The following HHAT variants were observed in gnomAD, a reference collection of about 807,000 sequenced individuals.
HHAT encodes the protein hedgehog acyltransferase.
A neutral mutation model predicts 70.8 loss-of-function variants in HHAT; 47 were observed. The observed-to-expected ratio is 0.66, with a 90% CI of 0.53 to 0.85. The LOEUF (loss-of-function observed/expected upper bound fraction) is 0.85. Ranked by LOEUF, HHAT falls within the 40% of genes least tolerant of loss-of-function variation. The pLI, the probability that HHAT is intolerant of heterozygous loss-of-function variation, is 0.00. For synonymous variants in HHAT, 228 were observed against 247.6 expected (o/e 0.92, Z 0.74); for missense variants, 609 against 604.8 (o/e 1.01, Z -0.07).
chr1:210,345,514 A>C (rs776575847), intron 1 of HHAT, among the ~76,000 whole-genome samples: 3 of 152,178 alleles, frequency 2.0e-5, no homozygotes, highest in Non-Finnish European at 4.4e-5. Context: ...TGATTCACCA[A>C]ACTTGGGTAA....
chr1:210,654,297 C>A (rs1313408277), intron 11 of HHAT, among the ~76,000 whole-genome samples: 1 of 144,156 alleles, frequency 6.9e-6, no homozygotes, highest in Non-Finnish European at 1.5e-5. Flanking sequence ...CATTTCTACA[C>A]GTCCTTAGCC....
chr1:210,609,074 C>T (rs116456049), intron 10 of HHAT, among the ~76,000 whole-genome samples: 1 of 152,138 alleles, frequency 6.6e-6, no homozygotes, highest in African/African-American at 2.4e-5. Flanking sequence ...TGACCTCCAC[C>T]TGGTCTCTTC....
chr1:210,490,051 A>AG (rs1260582654), intron 8 of HHAT, among the ~76,000 whole-genome samples: 1 of 152,066 alleles, frequency 6.6e-6, no homozygotes, highest in Non-Finnish European at 1.5e-5. Context: ...GAGTTAAAAA[A>AG]GAAAAAAAAG....
intron 8 of HHAT, among the ~76,000 whole-genome samples, chr1:210,474,256 T>C (rs1197817872): frequency 6.6e-6 from 1 of 152,192 alleles, no homozygotes; most frequent in Non-Finnish European, 1.5e-5. Context: ...TGCATGATCC[T>C]TCACTATTCC....
In HHAT at chr1:210,331,082, T is replaced by C. The variant is rs556105315; in HGVS notation, c.-44+1978T>C. ...AGCTCAAGCCATCCTCTCCTTGGCC[T>C]CCCAAAGTGCTGGGATTACAGGTGT... On this transcript the variant is annotated intron_variant, in intron 1 of 11. Transcript: ENST00000261458. Among the ~76,000 whole-genome samples the C allele has an allele frequency of 2.0e-5, 3 of 152,266 alleles. No homozygotes were observed. The South Asian group carries it at 6.2e-4, about 32-fold the overall frequency.
At chr1:210,389,247 A>G (rs2091288488) in intron 4 of HHAT, among the ~76,000 whole-genome samples, 1 of 152,232 alleles carries the variant, frequency 6.6e-6, no homozygotes, top group South Asian at 2.1e-4. Context: ...TTATACAGTT[A>G]TGGAGGCTGG....
chr1:210,494,542 CTTTTTT>C (rs71146226), intron 8 of HHAT, among the ~76,000 whole-genome samples: 16 of 82,858 alleles, frequency 1.9e-4, no homozygotes, highest in Non-Finnish European at 2.8e-4. Context: ...TTTGAAATAG[CTTTTTT>C]TTTTTTTTTT....
intron 11 of HHAT, among the ~76,000 whole-genome samples, chr1:210,673,963 T>TA (rs1313578790): frequency 6.7e-6 from 1 of 150,330 alleles, no homozygotes; most frequent in Non-Finnish European, 1.5e-5. Flanking sequence ...ATTTCTTTTT[T>TA]TTTTTTTTAT....
At chr1:210,548,554 C>G (rs908168723) in intron 9 of HHAT, among the ~76,000 whole-genome samples, 2 of 152,162 alleles carry the variant, frequency 1.3e-5, no homozygotes, top group African/African-American at 4.8e-5. Flanking sequence ...TGGGGACAGG[C>G]ACCCAGATGT....
intron 2 of HHAT, among the ~76,000 whole-genome samples, chr1:210,362,644 T>C (rs2088472602): frequency 6.6e-6 from 1 of 152,228 alleles, no homozygotes; most frequent in African/African-American, 2.4e-5. Flanking sequence ...AAGCCAAGTT[T>C]CCATCAGTGG....
At chr1:210,506,149 AACAAG>A (rs922818114) in intron 8 of HHAT, among the ~76,000 whole-genome samples, 5 of 152,198 alleles carry the variant, frequency 3.3e-5, no homozygotes, top group African/African-American at 1.2e-4. Context: ...TGTCAGGCCC[AACAAG>A]CCTAATTTTG....
intron 8 of HHAT, among the ~76,000 whole-genome samples, chr1:210,486,960 A>G (rs1182262713): frequency 6.6e-6 from 1 of 152,202 alleles, no homozygotes; most frequent in Non-Finnish European, 1.5e-5. Flanking sequence ...AAGGAGGGAT[A>G]ATGAAGTCCC....
chr1:210,411,409 A>G (rs1345179242), intron 6 of HHAT, among the ~76,000 whole-genome samples: 2 of 152,154 alleles, frequency 1.3e-5, no homozygotes, highest in African/African-American at 4.8e-5. Flanking sequence ...TGCTGTCAAC[A>G]CTGCTTTTGA....
intron 10 of HHAT, among the ~76,000 whole-genome samples, chr1:210,620,687 C>T (rs1668644891): frequency 6.6e-6 from 1 of 152,202 alleles, no homozygotes; most frequent in African/African-American, 2.4e-5. Context: ...CTATGGGCAT[C>T]TTGATTTCTC....
chr1:210,674,601 T>C lies in HHAT; in HGVS notation c.*222T>C. ...CTTCTACCCCAACTCATCATTTTCC[T>C]ATTGAGGAAACGGGTCCAGGGCAGT... is the stretch of plus-strand genomic sequence containing the variant. On this transcript the variant is annotated 3_prime_UTR_variant, in exon 12 of 12. Transcript: ENST00000261458. 1 of 527,516 alleles carries C rather than the reference T, an allele frequency of 1.9e-6. No individual in the cohort carries two copies. Among genetic ancestry groups the C allele is most frequent in the Non-Finnish European group, 3.4e-6 (1 of 296,532 alleles). 32.7% of individuals were successfully genotyped at this position (527,516 alleles called of 1,614,324 possible). A position where few individuals can be genotyped will look rare whatever the true frequency, so the allele number is the denominator to read the frequency against.
chr1:210,632,146 A>G (rs1670988641), intron 11 of HHAT, among the ~76,000 whole-genome samples: 1 of 152,236 alleles, frequency 6.6e-6, no homozygotes, highest in Admixed American at 6.5e-5. Flanking sequence ...AGGGCAAAGC[A>G]TGGAAAAGAG....
chr1:210,354,060 C>A (rs2087339017), intron 2 of HHAT, among the ~76,000 whole-genome samples: 1 of 152,098 alleles, frequency 6.6e-6, no homozygotes, highest in South Asian at 2.1e-4. Flanking sequence ...AAGGCTGGGC[C>A]AATTAACGCT....
At chr1:210,411,551 C>T (rs12566960) in intron 6 of HHAT, among the ~76,000 whole-genome samples, 1 of 151,678 alleles carries the variant, frequency 6.6e-6, no homozygotes, top group Non-Finnish European at 1.5e-5. Flanking sequence ...ACCAGGAGTT[C>T]GAGACCAGCC....
intron 9 of HHAT, among the ~76,000 whole-genome samples, chr1:210,527,872 C>T (rs2095269951): frequency 6.6e-6 from 1 of 152,122 alleles, no homozygotes; most frequent in South Asian, 2.1e-4. Flanking sequence ...GACATTGTCA[C>T]CTTTGAGAGA....
Sources: gnomAD v4.1 joint callset for allele counts (sites outside exome capture counted in the v4.1 genomes callset) on GRCh38, gnomAD v4.1.1 for gene constraint, MANE v1.5 for transcripts, NCBI Gene and HGNC (gene_info 2026-07-23, HGNC 2026-07-21) for gene names.